The following SH3RF3 variants were observed in gnomAD, a reference collection of about 807,000 sequenced individuals.
SH3RF3 encodes E3 ubiquitin-protein ligase SH3RF3.
Under a neutral mutation model 66.3 loss-of-function variants are expected in SH3RF3, and 29 were observed. That is an observed-to-expected ratio of 0.44 (90% confidence interval 0.33 to 0.60). SH3RF3 has a LOEUF of 0.60. Ranked by LOEUF, SH3RF3 falls within the 20% of genes least tolerant of loss-of-function variation. SH3RF3 has a pLI of 0.04. For missense variants in SH3RF3, 1,194 were observed against 1,190.9 expected, an observed-to-expected ratio of 1.00 and a Z score of -0.04; for synonymous variants, 583 against 532.0, an observed-to-expected ratio of 1.10 and a Z score of -1.32.
intron 1 of SH3RF3, among the ~76,000 whole-genome samples, chr2:109,282,515 G>A (rs1177439065): frequency 6.6e-6 from 1 of 152,134 alleles, no homozygotes; most frequent in Non-Finnish European, 1.5e-5. Context: ...CCCTGCGGTG[G>A]GAGGACAGGG....
rs1677799684 is a variant in SH3RF3 at position 109,449,305 on chromosome 2, A to G, written c.1964A>G (p.Gln655Arg). Residue 655 changes from glutamine (Q) to arginine (R), a missense_variant, in exon 8 of 10, where the codon CAG becomes CGG. Gln to Arg is a conservative substitution (Grantham distance 43). Coordinates refer to ENST00000309415, the MANE Select transcript of SH3RF3 (RefSeq NM_001099289.3). ...HSVVSPQHSH[Q>R]PPVQMCPRPA... ...GTGGTGTCCCCGCAGCACAGCCACC[A>G]GCCCCCGGTGCAGATGTGCCCACGG... The G allele has an allele frequency of 6.2e-7, 1 of 1,608,292 alleles. No individual in the cohort carries two copies. The highest frequency in any genetic ancestry group is 8.5e-7 in the Non-Finnish European group (1 of 1,177,244).
rs78156143 is a variant in SH3RF3 at position 109,169,724 on chromosome 2, A to C, written c.573+39611A>C. 8.1e-3 allele frequency among the ~76,000 whole-genome samples: 1,221 copies of C among 150,444 alleles called. 11 individuals are homozygous for C. Among genetic ancestry groups the C allele is most frequent in the East Asian group, 0.041 (207 of 5,086 alleles). ...TCTCTCTATATATATCTATATATATAACCAAAATACATATGTATAAAACAA... is the reference window on the plus strand; with the variant it reads ...TCTCTCTATATATATCTATATATATCACCAAAATACATATGTATAAAACAA... On this transcript the variant is annotated intron_variant, in intron 1 of 9. Coordinates refer to ENST00000309415, the MANE Select transcript of SH3RF3 (RefSeq NM_001099289.3).
At chr2:109,320,359 A>C (rs536389189) in intron 1 of SH3RF3, among the ~76,000 whole-genome samples, 27 of 152,278 alleles carry the variant, frequency 1.8e-4, no homozygotes, top group Admixed American at 1.4e-3. Flanking sequence ...TCCCAAGCCC[A>C]CCTGAGCAGC....
At chr2:109,141,726 C>T (rs558823638) in intron 1 of SH3RF3, 26 of 154,646 alleles carry the variant, frequency 1.7e-4, no homozygotes, top group African/African-American at 6.0e-4. Context: ...GCAAAATAGT[C>T]ATTTTCTAGA....
At chr2:109,388,263 G>C (rs1269885785) in intron 3 of SH3RF3, among the ~76,000 whole-genome samples, 1 of 152,180 alleles carries the variant, frequency 6.6e-6, no homozygotes, top group Non-Finnish European at 1.5e-5. Context: ...TTCTCTAGTA[G>C]CACTTTCATT....
chr2:109,337,859 C>G (rs2105514671), intron 1 of SH3RF3, among the ~76,000 whole-genome samples: 1 of 152,052 alleles, frequency 6.6e-6, no homozygotes, highest in East Asian at 1.9e-4. Flanking sequence ...TCCCGAGTAG[C>G]TGGGACTGCA....
intron 8 of SH3RF3, among the ~76,000 whole-genome samples, chr2:109,470,011 T>C (rs1341510021): frequency 6.6e-6 from 1 of 152,176 alleles, no homozygotes; most frequent in Non-Finnish European, 1.5e-5. Context: ...AGTTACTTAG[T>C]GTTGATCATT....
In SH3RF3 at chr2:109,186,978, C is replaced by G. The variant is rs188855312; in HGVS notation, c.573+56865C>G. Among the ~76,000 whole-genome samples the G allele has an allele frequency of 1.0e-3, 156 of 152,282 alleles. 1 individual carries two copies. Among genetic ancestry groups the G allele is most frequent in the African/African-American group, 3.6e-3 (148 of 41,570 alleles). ...TGATGCTGCCTCCCCAACCTGTGCCCCTAGAAGTTTGCTCGTCTCCCAGAG... is the reference window on the plus strand; with the variant it reads ...TGATGCTGCCTCCCCAACCTGTGCCGCTAGAAGTTTGCTCGTCTCCCAGAG... On this transcript the variant is annotated intron_variant, in intron 1 of 9. Coordinates refer to ENST00000309415, the MANE Select transcript of SH3RF3 (RefSeq NM_001099289.3).
At position 109,345,138 on chromosome 2, in the gene SH3RF3, G is replaced by A. The variant is rs1209643723; in HGVS notation, c.574-2536G>A. 2.6e-5 allele frequency among the ~76,000 whole-genome samples: 4 copies of A among 152,206 alleles called. No homozygotes were observed. In the East Asian group the frequency reaches 5.8e-4, roughly 22 times the overall value. ...GGGTGGTGGCCTACAGCCCCAGGCT[G>A]CCTGGTGGAAGATGCCTCAGTCTCT... On this transcript the variant is annotated intron_variant, in intron 1 of 9. Coordinates refer to ENST00000309415, the MANE Select transcript of SH3RF3 (RefSeq NM_001099289.3).
intron 8 of SH3RF3, among the ~76,000 whole-genome samples, chr2:109,455,642 C>T (rs191615410): frequency 5.9e-5 from 9 of 152,318 alleles, no homozygotes; most frequent in Non-Finnish European, 1.2e-4. Flanking sequence ...AGTGGCCAGG[C>T]AGCTCTCTCT....
intron 1 of SH3RF3, among the ~76,000 whole-genome samples, chr2:109,179,460 T>C (rs1181485291): frequency 6.6e-6 from 1 of 152,146 alleles, no homozygotes; most frequent in African/African-American, 2.4e-5. Context: ...CCAGTGTCCT[T>C]GTCTTTGTGT....
chr2:109,404,853 A>G (rs1676413968), intron 4 of SH3RF3, among the ~76,000 whole-genome samples: 1 of 151,934 alleles, frequency 6.6e-6, no homozygotes, highest in Admixed American at 6.6e-5. Flanking sequence ...CTCCTTCCTC[A>G]TCCGCCATCT....
intron 1 of SH3RF3, among the ~76,000 whole-genome samples, chr2:109,175,201 G>A (rs896020069): frequency 3.3e-5 from 5 of 152,176 alleles, no homozygotes; most frequent in Non-Finnish European, 7.3e-5. Context: ...AGTCAGTGGT[G>A]ACGTCAGTTT....
At chr2:109,203,208 GCAGAGAGCCAGGAGCCTCTT>G (rs1678726943) in intron 1 of SH3RF3, among the ~76,000 whole-genome samples, 1 of 152,192 alleles carries the variant, frequency 6.6e-6, no homozygotes, top group Non-Finnish European at 1.5e-5. Context: ...GAAGGACCCT[GCAGAGAGCCAGGAGCCTCTT>G]CAGAGAGCCC....
chr2:109,307,439 A>G (rs1161243193), intron 1 of SH3RF3, among the ~76,000 whole-genome samples: 1 of 135,028 alleles, frequency 7.4e-6, no homozygotes, highest in South Asian at 2.3e-4. Flanking sequence ...TTTTATTATT[A>G]TACTTTAAGT....
At chr2:109,288,570 C>T (rs1007748089) in intron 1 of SH3RF3, among the ~76,000 whole-genome samples, 9 of 152,330 alleles carry the variant, frequency 5.9e-5, no homozygotes, top group African/African-American at 1.9e-4. Context: ...CCTCCATTTC[C>T]TTTCTGTTGA....
At chr2:109,170,016 A>G (rs11888598) in intron 1 of SH3RF3, among the ~76,000 whole-genome samples, 177 of 152,298 alleles carry the variant, frequency 1.2e-3, no homozygotes, top group African/African-American at 4.1e-3. Flanking sequence ...ATAGTCCTTT[A>G]TCTTCATATG....
chr2:109,144,193 G>T (rs1440638442), intron 1 of SH3RF3, among the ~76,000 whole-genome samples: 1 of 152,178 alleles, frequency 6.6e-6, no homozygotes, highest in Non-Finnish European at 1.5e-5. Flanking sequence ...TAGATTTTAA[G>T]TATTTTCATG....
intron 1 of SH3RF3, among the ~76,000 whole-genome samples, chr2:109,188,580 G>A (rs1039802500): frequency 3.9e-5 from 6 of 152,200 alleles, no homozygotes; most frequent in African/African-American, 1.4e-4. Context: ...GGAGGGGCAG[G>A]GGTCCCGTCC....
Sources: allele counts gnomAD v4.1 joint callset (sites outside exome capture counted in the v4.1 genomes callset), GRCh38; gene constraint gnomAD v4.1.1; transcripts MANE v1.5; gene names NCBI Gene and HGNC (gene_info 2026-07-23, HGNC 2026-07-21).